Variants in ACTL6A observed in about 807,000 individuals in gnomAD.
The protein encoded by ACTL6A is actin like 6A, also known as actin-like protein 6A.
A neutral mutation model predicts 59.2 loss-of-function variants in ACTL6A; 5 were observed. The ratio of observed to expected loss-of-function variants is 0.08; its 90% CI spans 0.04 to 0.18. ACTL6A has a LOEUF of 0.18. ACTL6A is among the 10% of genes least tolerant of loss of function. The pLI is 1.00. For missense variants in ACTL6A, 285 were observed against 526.9 expected (o/e 0.54, Z 4.49); for synonymous variants, 154 against 171.8 (o/e 0.90, Z 0.81).
At chr3:179,583,265 A>C in intron 11 of ACTL6A, 88 bp from the exon 12 acceptor site, 1 of 1,002,382 alleles carries the variant, frequency 1.0e-6, no homozygotes, top group South Asian at 1.5e-5. Context: ...GGGAAATTGT[A>C]GTAGAGCACA....
chr3:179,580,275 G>GTGTA (rs1718298253), intron 8 of ACTL6A, among the ~76,000 whole-genome samples: 1 of 152,204 alleles, frequency 6.6e-6, no homozygotes, highest in Admixed American at 6.5e-5. Flanking sequence ...ACATGCACAT[G>GTGTA]TGTATATGTA....
At chr3:179,567,113 C>T (rs1717860484) in intron 1 of ACTL6A, among the ~76,000 whole-genome samples, 1 of 152,196 alleles carries the variant, frequency 6.6e-6, no homozygotes. Flanking sequence ...CGTCTATAAT[C>T]CTAGCACTTT....
rs1459224108 is a variant in ACTL6A, at chr3:179,584,111, T to C, written c.1122+663T>C. ...TTTGTTGTCTTATAGTTCTTGAGGC[T>C]AGAAGCCTCAAGGTGTCAGTGGAGC... On this transcript the variant is annotated intron_variant, in intron 12 of 13. Coordinates refer to ENST00000429709, the MANE Select transcript of ACTL6A (RefSeq NM_004301.5). 3.3e-5 allele frequency among the ~76,000 whole-genome samples: 5 copies of C among 152,202 alleles called. 1 individual carries two copies. In the East Asian group the frequency reaches 9.7e-4, roughly 29 times the overall value.
chr3:179,569,771 T>C (rs1348472441), intron 1 of ACTL6A, 53 bp from the exon 2 acceptor site: 2 of 1,525,920 alleles, frequency 1.3e-6, no homozygotes, highest in Admixed American at 1.7e-5. Context: ...AGCTGTGATT[T>C]TCATATGATA....
At chr3:179,574,543 C>A in intron 5 of ACTL6A, 76 bp downstream of exon 5, 1 of 1,039,788 alleles carries the variant, frequency 9.6e-7, no homozygotes, top group Non-Finnish European at 1.5e-6. Context: ...TGGGAGAAGA[C>A]ATACGCCAAT....
At position 179,578,432 on chromosome 3, in the gene ACTL6A, C is replaced by T. The variant is rs537572633; in HGVS notation, c.768+1519C>T. ...CGGTGCCACTGCGCTCCTGCCTGGGCGACAGAGTGAGACTCCATTTCAAAG... is the reference window on the plus strand; with the variant it reads ...CGGTGCCACTGCGCTCCTGCCTGGGTGACAGAGTGAGACTCCATTTCAAAG... On this transcript the variant is annotated intron_variant, in intron 8 of 13. Coordinates refer to ENST00000429709, the MANE Select transcript of ACTL6A (RefSeq NM_004301.5). Among the ~76,000 whole-genome samples the T allele has an allele frequency of 1.4e-4, 21 of 152,006 alleles. No homozygotes were observed. In the East Asian group the frequency reaches 1.6e-3, roughly 11 times the overall value.
At chr3:179,579,892 A>G (rs1718283341) in intron 8 of ACTL6A, among the ~76,000 whole-genome samples, 1 of 152,202 alleles carries the variant, frequency 6.6e-6, no homozygotes, top group South Asian at 2.1e-4. Flanking sequence ...CCCCTGCCTC[A>G]GCCTCCTCAG....
intron 5 of ACTL6A, chr3:179,575,337 T>G: frequency 2.2e-6 from 1 of 455,584 alleles, no homozygotes; most frequent in South Asian, 1.6e-5. Flanking sequence ...ATTGAATATC[T>G]CAGGAATAGG....
intron 12 of ACTL6A, among the ~76,000 whole-genome samples, chr3:179,584,595 G>A (rs1327888905): frequency 1.4e-5 from 2 of 144,694 alleles, no homozygotes; most frequent in African/African-American, 5.1e-5. Context: ...CATTCCAACA[G>A]AGCAAGACTC....
At chr3:179,573,520 CTT>C (rs71907893) in intron 4 of ACTL6A, 51 bp downstream of exon 4, 89 of 987,660 alleles carry the variant, frequency 9.0e-5, no homozygotes, top group South Asian at 3.5e-4. Flanking sequence ...TTTTTTTTTT[CTT>C]TTTTTTTTCC....
chr3:179,563,571 C>T (rs1717737507), intron 1 of ACTL6A, among the ~76,000 whole-genome samples: 1 of 152,188 alleles, frequency 6.6e-6, no homozygotes, highest in Non-Finnish European at 1.5e-5. Context: ...GGAGGGTTCC[C>T]AGAGTGTCCC....
rs373422918 is a variant in ACTL6A, at chr3:179,570,164, C to T, written c.200C>T (p.Thr67Ile). The change falls in exon 3 of 14, where the codon ACC becomes ATC. Residue 67 changes from threonine (T) to isoleucine (I), a missense_variant. By Grantham distance (89) the Thr-to-Ile change is moderately conservative (BLOSUM62 -1). Transcript: ENST00000429709. The surrounding 1 kb of genome is among the most constrained non-coding windows in gnomAD (Gnocchi z 4.3). ...DGDKGKQGGP[T>I]YYIDTNALRV... The stretch of plus-strand genomic sequence containing the variant: ...GATAAAGGCAAACAAGGCGGTCCCA[C>T]CTACTACATAGATACTAATGCTCTG... 3.1e-6 allele frequency: 5 copies of T among 1,613,986 alleles called. No homozygotes were observed. The highest frequency in any genetic ancestry group is 2.2e-5 in the East Asian group (1 of 44,882).
In ACTL6A at chr3:179,576,731, G is replaced by A. The variant is rs755155418; in HGVS notation, c.678+5G>A. 4.3e-6 allele frequency: 7 copies of A among 1,611,358 alleles called. No homozygotes were observed. Among genetic ancestry groups the A allele is most frequent in the Non-Finnish European group, 3.4e-6 (4 of 1,177,692 alleles). Reference sequence around the variant, plus strand: ...CCATATATGATTGCATCAAAAGTAAGTAATTATTGAATTTTCTTTGTAGAA... The same window carrying A: ...CCATATATGATTGCATCAAAAGTAAATAATTATTGAATTTTCTTTGTAGAA... On this transcript the variant is annotated splice_donor_5th_base_variant and intron_variant, in intron 7 of 13. Coordinates refer to ENST00000429709, the MANE Select transcript of ACTL6A (RefSeq NM_004301.5).
chr3:179,582,042 T>C (rs1365359273), intron 11 of ACTL6A, among the ~76,000 whole-genome samples: 4 of 152,210 alleles, frequency 2.6e-5, no homozygotes, highest in Admixed American at 2.0e-4. Context: ...ATAACTACTA[T>C]GTTATTCAAA....
chr3:179,576,264 C>T lies in ACTL6A; in HGVS notation c.524C>T (p.Thr175Ile), dbSNP rs201109652. 7.9e-5 allele frequency: 127 copies of T among 1,611,674 alleles called. No individual in the cohort carries two copies. Among genetic ancestry groups the T allele is most frequent in the Non-Finnish European group, 1.1e-4 (125 of 1,179,462 alleles). The change falls in exon 6 of 14, where the codon ACT (threonine) becomes ATT (isoleucine). Residue 175 changes from threonine to isoleucine, a missense_variant. By Grantham distance (89) the Thr-to-Ile change is moderately conservative (BLOSUM62 -1). Coordinates refer to ENST00000429709, the MANE Select transcript of ACTL6A (RefSeq NM_004301.5). ...STGLILDSGATHTTAIPVHDG... is the reference protein window; with the variant it reads ...STGLILDSGAIHTTAIPVHDG... ...GGGCTGATTTTGGACAGTGGAGCCA[C>T]TCATACCACTGCAATTCCAGTCCAC...
intron 4 of ACTL6A, among the ~76,000 whole-genome samples, 170 bp downstream of exon 4, chr3:179,573,639 A>G (rs1048641853): frequency 2.0e-5 from 3 of 151,970 alleles, no homozygotes; most frequent in Non-Finnish European, 4.4e-5. Flanking sequence ...ACACTATTAT[A>G]ACTTTTATTT....
intron 11 of ACTL6A, among the ~76,000 whole-genome samples, chr3:179,581,677 G>A (rs1718343142): frequency 6.6e-6 from 1 of 152,082 alleles, no homozygotes; most frequent in Admixed American, 6.6e-5. Flanking sequence ...AGGAAGGCGT[G>A]GTTTAAATTA....
chr3:179,570,412 T>C lies in ACTL6A; in HGVS notation c.277+171T>C, dbSNP rs1338214579. 2 of 593,984 alleles carry C rather than the reference T, an allele frequency of 3.4e-6. No individual in the cohort carries two copies. The highest frequency in any genetic ancestry group is 5.6e-6 in the Non-Finnish European group (2 of 356,692). 36.8% of individuals were successfully genotyped at this position (593,984 alleles called of 1,614,324 possible). On this transcript the variant is annotated intron_variant, in intron 3 of 13. Coordinates refer to ENST00000429709, the MANE Select transcript of ACTL6A (RefSeq NM_004301.5). The surrounding 1 kb of genome is among the most constrained non-coding windows in gnomAD (Gnocchi z 4.3). ...AGAATACAAAGATGCATAAGAAATGTTCCTTTTCATTAAAAGCTTACAGTT... is the reference window on the plus strand; with the variant it reads ...AGAATACAAAGATGCATAAGAAATGCTCCTTTTCATTAAAAGCTTACAGTT...
chr3:179,572,998 T>TA lies in ACTL6A; in HGVS notation c.278-370dup, dbSNP rs1553777441. Reference sequence around the variant, plus strand: ...CAATTCTTTCTTTTTTTTTTTTTTTTATAAATCCAGCAGTAGTATCATCAG... The same window carrying TA: ...CAATTCTTTCTTTTTTTTTTTTTTTTAATAAATCCAGCAGTAGTATCATCAG... On this transcript the variant is annotated intron_variant, in intron 3 of 13. Transcript: ENST00000429709. Among the ~76,000 whole-genome samples, 10 of 151,572 alleles carry TA rather than the reference T, an allele frequency of 6.6e-5. No individual in the cohort carries two copies. In the East Asian group the frequency reaches 1.9e-3, roughly 29 times the overall value.
Sources: allele counts gnomAD v4.1 joint callset (sites outside exome capture counted in the v4.1 genomes callset), GRCh38; gene constraint gnomAD v4.1.1; non-coding constraint Gnocchi (gnomAD v3.1); transcripts MANE v1.5; gene names NCBI Gene and HGNC (gene_info 2026-07-23, HGNC 2026-07-21).